Variants in LRFN5 observed in about 807,000 individuals in gnomAD.
LRFN5 encodes the protein leucine-rich repeat and fibronectin type-III domain-containing protein 5.
In LRFN5, 24 loss-of-function variants were observed where a neutral mutation model predicts 45.6. That is an observed-to-expected ratio of 0.53 (90% CI 0.38 to 0.74). The LOEUF (loss-of-function observed/expected upper bound fraction) is 0.74, where lower values mean the gene tolerates loss of function less well. Among genes scored for constraint, LRFN5 ranks in the 30% least tolerant of loss-of-function variants. LRFN5 has a pLI of 0.00. For synonymous variants in LRFN5, 340 were observed against 313.8 expected (o/e 1.08, Z -0.88); for missense variants, 776 against 861.5 (o/e 0.90, Z 1.24).
Position 41,608,307 on chromosome 14 carries a change from C to T in LRFN5, c.-452C>T, listed in dbSNP as rs1239319261. 6.5e-6 allele frequency: 1 copy of T among 152,856 alleles called. No individual in the cohort carries two copies. The highest frequency in any genetic ancestry group is 1.5e-5 in the Non-Finnish European group (1 of 68,214). The allele number at this position is 152,856 out of a possible 1,614,324, so 9.5% of individuals were successfully genotyped here. On this transcript the variant is annotated 5_prime_UTR_variant, in exon 1 of 6. Coordinates refer to ENST00000298119, the MANE Select transcript of LRFN5 (RefSeq NM_152447.5). Reference sequence around the variant, plus strand: ...CGGCCGCCCTGCCTCTGCCCGCTCCCCGGGCGCGGAGCCGCGGGTTTCATG... The same window carrying T: ...CGGCCGCCCTGCCTCTGCCCGCTCCTCGGGCGCGGAGCCGCGGGTTTCATG...
At chr14:41,809,680 A>G (rs1887673322) in intron 2 of LRFN5, among the ~76,000 whole-genome samples, 7 of 151,602 alleles carry the variant, frequency 4.6e-5, no homozygotes, top group Admixed American at 4.6e-4. Flanking sequence ...TCATATTTAC[A>G]TATTTTTATA....
At chr14:41,846,849 A>T (rs933399174) in intron 2 of LRFN5, among the ~76,000 whole-genome samples, 1 of 152,110 alleles carries the variant, frequency 6.6e-6, no homozygotes. Flanking sequence ...TCAGGTCAGG[A>T]CCATTCCTAA....
intron 1 of LRFN5, among the ~76,000 whole-genome samples, chr14:41,711,999 T>C (rs374713001): frequency 2.0e-5 from 3 of 152,276 alleles, no homozygotes; most frequent in African/African-American, 7.2e-5. Flanking sequence ...AAAAATAATG[T>C]TGTAATTAAA....
chr14:41,707,787 C>T (rs1883126388), intron 1 of LRFN5, among the ~76,000 whole-genome samples: 1 of 152,028 alleles, frequency 6.6e-6, no homozygotes, highest in East Asian at 1.9e-4. Flanking sequence ...TGCATATCAT[C>T]TATGGCTGCT....
chr14:41,658,888 T>C (rs985034918), intron 1 of LRFN5, among the ~76,000 whole-genome samples: 10 of 152,024 alleles, frequency 6.6e-5, no homozygotes, highest in African/African-American at 2.4e-4. Flanking sequence ...GTTTATCTAA[T>C]TTATCAAAAC....
intron 3 of LRFN5, among the ~76,000 whole-genome samples, chr14:41,889,017 GTGTATATATACACA>G (rs909305775): frequency 3.4e-5 from 5 of 147,352 alleles, no homozygotes; most frequent in African/African-American, 1.3e-4. Flanking sequence ...ATATATGTGT[GTGTATATATACACA>G]TGTATATATA....
chr14:41,631,683 A>G (rs1455523554), intron 1 of LRFN5, among the ~76,000 whole-genome samples: 3 of 152,146 alleles, frequency 2.0e-5, no homozygotes, highest in African/African-American at 7.2e-5. Flanking sequence ...GGTATTTTTC[A>G]GAGATGCCTA....
chr14:41,767,844 G>A (rs1234303381), intron 2 of LRFN5, among the ~76,000 whole-genome samples: 1 of 152,188 alleles, frequency 6.6e-6, no homozygotes, highest in Admixed American at 6.5e-5. Context: ...GGAAAAGTTC[G>A]GACTTTCCTG....
chr14:41,664,830 G>A (rs564040592), intron 1 of LRFN5, among the ~76,000 whole-genome samples: 1 of 152,002 alleles, frequency 6.6e-6, no homozygotes, highest in East Asian at 1.9e-4. Flanking sequence ...CTCCTAACAT[G>A]TTGGTATTGA....
chr14:41,898,765 C>T, intron 4 of LRFN5, 152 bp from the exon 5 acceptor site: 8 of 651,584 alleles, frequency 1.2e-5, no homozygotes, highest in Non-Finnish European at 2.1e-5. Context: ...TGCAATTAAC[C>T]CATGAACTGG....
At position 41,607,329 on chromosome 14, in the gene LRFN5, G is replaced by C. The variant is rs1887528417; in HGVS notation, c.-1430G>C. ...GAAAAAAAAAGCGCAACTGGACGGG[G>C]GTGGGGCAGACCAACGAAACCTAGA... On this transcript the variant is annotated 5_prime_UTR_variant, in exon 1 of 6. Transcript: ENST00000298119. 6.6e-6 allele frequency among the ~76,000 whole-genome samples: 1 copy of C among 152,104 alleles called. No homozygotes were observed. Among genetic ancestry groups the C allele is most frequent in the Non-Finnish European group, 1.5e-5 (1 of 67,996 alleles).
intron 5 of LRFN5, 30 bp downstream of exon 5, chr14:41,898,990 C>T: frequency 6.3e-7 from 1 of 1,574,862 alleles, no homozygotes; most frequent in Non-Finnish European, 8.7e-7. Context: ...TAACTTACTT[C>T]AACACTTAAA....
At chr14:41,761,337 A>G (rs1885655554) in intron 1 of LRFN5, among the ~76,000 whole-genome samples, 1 of 152,104 alleles carries the variant, frequency 6.6e-6, no homozygotes, top group South Asian at 2.1e-4. Context: ...ACAGGAAAAA[A>G]GAAAGAAGGG....
At chr14:41,742,312 TACACACAC>T (rs61109523) in intron 1 of LRFN5, among the ~76,000 whole-genome samples, 335 of 145,242 alleles carry the variant, frequency 2.3e-3, no homozygotes, top group African/African-American at 6.9e-3. Context: ...GTGGTGTGTA[TACACACAC>T]ACACACACAC....
intron 1 of LRFN5, among the ~76,000 whole-genome samples, chr14:41,744,873 T>C (rs1884857444): frequency 6.6e-6 from 1 of 152,090 alleles, no homozygotes; most frequent in Non-Finnish European, 1.5e-5. Flanking sequence ...TTACACGTAG[T>C]AATTGACTGT....
At chr14:41,613,191 G>T (rs1018886757) in intron 1 of LRFN5, among the ~76,000 whole-genome samples, 39 of 152,156 alleles carry the variant, frequency 2.6e-4, no homozygotes, top group African/African-American at 9.1e-4. Context: ...CAATGTTTAA[G>T]TTACATGGTC....
intron 4 of LRFN5, chr14:41,894,247 G>A: frequency 1.0e-6 from 1 of 980,678 alleles, no homozygotes; most frequent in South Asian, 4.7e-5. Context: ...AGTTACTGAT[G>A]AACTTAGTAT....
chr14:41,804,123 A>G (rs530167530), intron 2 of LRFN5, among the ~76,000 whole-genome samples: 109 of 152,220 alleles, frequency 7.2e-4, no homozygotes, highest in Middle Eastern at 6.8e-3. Flanking sequence ...AGCCTCTGAA[A>G]GTGCTGGGGT....
At chr14:41,702,977 C>T (rs1487952809) in intron 1 of LRFN5, among the ~76,000 whole-genome samples, 1 of 152,052 alleles carries the variant, frequency 6.6e-6, no homozygotes, top group Non-Finnish European at 1.5e-5. Context: ...CCCTTTATCA[C>T]TTTCAAATTC....
Sources: allele counts gnomAD v4.1 joint callset (sites outside exome capture counted in the v4.1 genomes callset), GRCh38; gene constraint gnomAD v4.1.1; transcripts MANE v1.5; gene names NCBI Gene and HGNC (gene_info 2026-07-23, HGNC 2026-07-21).